HERC6: variants seen among roughly 807,000 people sequenced by gnomAD.
The protein encoded by HERC6 is HECT and RLD domain containing E3 ubiquitin protein ligase family member 6, also known as probable E3 ubiquitin-protein ligase HERC6.
Under a neutral mutation model 114.5 loss-of-function variants are expected in HERC6, and 101 were observed. The ratio of observed to expected loss-of-function variants is 0.88; its 90% confidence interval spans 0.75 to 1.04. The LOEUF (loss-of-function observed/expected upper bound fraction) is 1.04, where lower values mean the gene tolerates loss of function less well. Among genes scored for constraint, HERC6 ranks in the 50% least tolerant of loss-of-function variants. The probability of loss-of-function intolerance (pLI) is 0.00; values close to 1 mark genes in which losing one functional copy is unlikely to be tolerated. For synonymous variants in HERC6, 408 were observed against 436.2 expected, an observed-to-expected ratio of 0.94 and a Z score of 0.81; for missense variants, 1,133 against 1,230.9, an observed-to-expected ratio of 0.92 and a Z score of 1.19.
chr4:88,415,088 C>A (rs1269295302), intron 12 of HERC6, among the ~76,000 whole-genome samples: 2 of 152,182 alleles, frequency 1.3e-5, no homozygotes, highest in African/African-American at 4.8e-5. Context: ...CAGTTCCCCT[C>A]CCAGAAGTGG....
chr4:88,381,328 G>A (rs76160107), intron 1 of HERC6, among the ~76,000 whole-genome samples: 17 of 152,176 alleles, frequency 1.1e-4, no homozygotes, highest in Admixed American at 3.3e-4. Flanking sequence ...ATTTACATGC[G>A]TGGGAATTTA....
intron 3 of HERC6, among the ~76,000 whole-genome samples, 183 bp downstream of exon 3, chr4:88,385,758 G>A (rs562361882): frequency 6.6e-6 from 1 of 152,140 alleles, no homozygotes; most frequent in South Asian, 2.1e-4. Flanking sequence ...TCTAAACAGT[G>A]CCTAATTCAT....
intron 9 of HERC6, 114 bp downstream of exon 9, chr4:88,405,111 G>A: frequency 7.6e-7 from 1 of 1,319,446 alleles, no homozygotes; most frequent in Non-Finnish European, 1.0e-6. Flanking sequence ...TTTTGACCAT[G>A]ATTCTCTTCT....
rs1285509349 is a variant in HERC6 at position 88,390,761 on chromosome 4, A to C, written c.546A>C (p.Pro182=). 6.2e-7 allele frequency: 1 copy of C among 1,613,966 alleles called. No individual in the cohort carries two copies. Among genetic ancestry groups the C allele is most frequent in the Non-Finnish European group, 8.5e-7 (1 of 1,180,006 alleles). ...GGGTGAGGTCCCTGGAGGGGATCCCACTGGCTCAGGTGGCTGCCGGAGGGG... is the reference window on the plus strand; with the variant it reads ...GGGTGAGGTCCCTGGAGGGGATCCCCCTGGCTCAGGTGGCTGCCGGAGGGG... ...PQRVRSLEGI[P]LAQVAAGGAH... The change falls in exon 4 of 23, where the codon CCA becomes CCC. Residue 182 remains proline (P), a synonymous_variant. Transcript: ENST00000264346.
At chr4:88,438,125 C>CAAAAAAAAAAAAAAAAAAAAAA (rs746047106) in intron 20 of HERC6, among the ~76,000 whole-genome samples, 1 of 43,940 alleles carries the variant, frequency 2.3e-5, no homozygotes, top group Non-Finnish European at 4.6e-5. Context: ...GACTGTGTCT[C>CAAAAAAAAAAAAAAAAAAAAAA]AAAAAAAAAA....
chr4:88,425,684 C>A (rs922474491), intron 15 of HERC6, among the ~76,000 whole-genome samples: 1 of 152,142 alleles, frequency 6.6e-6, no homozygotes, highest in Non-Finnish European at 1.5e-5. Flanking sequence ...TTGTATTAGT[C>A]CCACATAAGA....
intron 2 of HERC6, among the ~76,000 whole-genome samples, chr4:88,385,254 A>C (rs1415593833): frequency 6.6e-6 from 1 of 152,226 alleles, no homozygotes; most frequent in Non-Finnish European, 1.5e-5. Flanking sequence ...ATTGCATTAA[A>C]GTCCAATAGC....
intron 13 of HERC6, among the ~76,000 whole-genome samples, chr4:88,421,972 T>A (rs562574069): frequency 1.3e-5 from 2 of 152,360 alleles, no homozygotes; most frequent in South Asian, 4.1e-4. Flanking sequence ...TTTTTATTAT[T>A]GAGTCATAAG....
chr4:88,440,816 C>T (rs919214076), intron 22 of HERC6, among the ~76,000 whole-genome samples: 5 of 152,108 alleles, frequency 3.3e-5, no homozygotes, highest in African/African-American at 1.2e-4. Flanking sequence ...GTTTGCAGCC[C>T]GATATTCCAG....
intron 15 of HERC6, among the ~76,000 whole-genome samples, chr4:88,427,754 G>T (rs1422875283): frequency 6.6e-6 from 1 of 152,138 alleles, no homozygotes; most frequent in Admixed American, 6.5e-5. Flanking sequence ...TTGCTGTCAC[G>T]ATTTCAGGAC....
chr4:88,438,042 C>G lies in HERC6; in HGVS notation c.2555+261C>G, dbSNP rs1337958065. ...CAGCTACTAAGGAGGCTGAGGATTG[C>G]TTGAACCCAGGAAGTGGAGGTTGCA... On this transcript the variant is annotated intron_variant, in intron 20 of 22. Transcript: ENST00000264346. 2.1e-5 allele frequency among the ~76,000 whole-genome samples: 3 copies of G among 144,918 alleles called. No homozygotes were observed. In the East Asian group the frequency reaches 6.2e-4, roughly 30 times the overall value.
intron 5 of HERC6, among the ~76,000 whole-genome samples, chr4:88,393,971 G>A (rs896837397): frequency 2.0e-5 from 3 of 152,114 alleles, no homozygotes; most frequent in Non-Finnish European, 4.4e-5. Flanking sequence ...TAATATCATG[G>A]CATTGAGGTT....
intron 22 of HERC6, chr4:88,440,550 G>C (rs1739239491): frequency 3.5e-6 from 1 of 289,828 alleles, no homozygotes; most frequent in African/African-American, 2.2e-5. Flanking sequence ...GGTGGTGTCT[G>C]ATCTACATAG....
chr4:88,418,866 A>T (rs2148926024), intron 13 of HERC6, among the ~76,000 whole-genome samples: 1 of 152,250 alleles, frequency 6.6e-6, no homozygotes, highest in East Asian at 1.9e-4. Context: ...AGCTGGGATT[A>T]CAGGCACCTG....
rs571683231 is a variant in HERC6, at chr4:88,408,556, A to G, written c.1307A>G (p.Asp436Gly). 18 of 1,600,600 alleles carry G rather than the reference A, an allele frequency of 1.1e-5. 1 individual carries two copies. Among genetic ancestry groups the G allele is most frequent in the Middle Eastern group, 1.7e-4 (1 of 6,034 alleles). ...GGAGAAACGACTTCCATTGATGTGG[A>G]CTTAGAAATGGCAAGAGATACCTTC... Reference protein sequence around the residue: ...GTGETTSIDVDLEMARDTFKK... With the variant: ...GTGETTSIDVGLEMARDTFKK... Residue 436 changes from aspartate to glycine, a missense_variant, in exon 11 of 23, where the codon GAC becomes GGC. Physicochemically the swap from Asp to Gly is moderately conservative, Grantham distance 94. Coordinates refer to ENST00000264346, the MANE Select transcript of HERC6 (RefSeq NM_017912.4).
At chr4:88,427,568 A>C in intron 15 of HERC6, among the ~76,000 whole-genome samples, 1 of 152,224 alleles carries the variant, frequency 6.6e-6, no homozygotes, top group Admixed American at 6.5e-5. Context: ...AAAAACCAGA[A>C]GAATCTAGTA....
intron 8 of HERC6, 45 bp downstream of exon 8, chr4:88,398,254 A>G (rs1251064050): frequency 1.5e-5 from 18 of 1,202,764 alleles, no homozygotes; most frequent in East Asian, 2.6e-5. Flanking sequence ...ATTTTTTCTC[A>G]AGATTTCAGA....
At chr4:88,425,327 CATG>C (rs1232028100) in intron 15 of HERC6, among the ~76,000 whole-genome samples, 10 of 152,162 alleles carry the variant, frequency 6.6e-5, no homozygotes, top group Non-Finnish European at 1.5e-4. Flanking sequence ...ATGAGTTAAT[CATG>C]ATATTTCACG....
At chr4:88,418,333 AC>A (rs1360221258) in intron 13 of HERC6, among the ~76,000 whole-genome samples, 2 of 151,950 alleles carry the variant, frequency 1.3e-5, no homozygotes, top group East Asian at 3.9e-4. Flanking sequence ...ACATAGAAAA[AC>A]CCTCCCTCAA....
Sources: gnomAD v4.1 joint callset for allele counts (sites outside exome capture counted in the v4.1 genomes callset) on GRCh38, gnomAD v4.1.1 for gene constraint, MANE v1.5 for transcripts, NCBI Gene and HGNC (gene_info 2026-07-23, HGNC 2026-07-21) for gene names.